MIER3: variants seen among roughly 807,000 people sequenced by gnomAD.
MIER3 encodes MIER family member 3.
In MIER3, 9 loss-of-function variants were observed where a neutral mutation model predicts 63.2. The ratio of observed to expected loss-of-function variants is 0.14; its 90% confidence interval spans 0.09 to 0.25. The LOEUF is 0.25. MIER3 is among the 10% of genes least tolerant of loss of function. The pLI, the probability that MIER3 is intolerant of heterozygous loss-of-function variation, is 1.00. For missense variants in MIER3, 512 were observed against 666.2 expected (o/e 0.77, Z 2.55); for synonymous variants, 205 against 224.9 (o/e 0.91, Z 0.79).
intron 5 of MIER3, chr5:56,937,072 C>CTTATTA (rs554743043): frequency 6.6e-6 from 1 of 151,178 alleles, no homozygotes; most frequent in Non-Finnish European, 1.5e-5. Flanking sequence ...TTTATTTTAT[C>CTTATTA]TTATTATTAT....
chr5:56,938,205 C>T, intron 4 of MIER3: 1 of 466,702 alleles, frequency 2.1e-6, no homozygotes, highest in East Asian at 7.0e-5. Context: ...AAAGTAGCCA[C>T]TCAATAAATA....
intron 4 of MIER3, chr5:56,938,675 G>A: frequency 1.8e-6 from 1 of 563,462 alleles, no homozygotes; most frequent in Non-Finnish European, 3.1e-6. Flanking sequence ...AGAATATTCA[G>A]GCATGCAAAG....
At chr5:56,939,897 C>T (rs571624787) in intron 3 of MIER3, among the ~76,000 whole-genome samples, 3 of 152,306 alleles carry the variant, frequency 2.0e-5, no homozygotes, top group East Asian at 3.9e-4. Flanking sequence ...GTGTAGTAGG[C>T]TACATTAACT....
At chr5:56,939,454 C>A (rs928784347) in intron 3 of MIER3, among the ~76,000 whole-genome samples, 15 of 152,186 alleles carry the variant, frequency 9.9e-5, no homozygotes, top group Non-Finnish European at 1.5e-4. Context: ...GGTAGAAAAC[C>A]TTTGCTGAAT....
At chr5:56,950,590 A>C in intron 2 of MIER3, 38 bp downstream of exon 2, 1 of 1,611,736 alleles carries the variant, frequency 6.2e-7, no homozygotes, top group Middle Eastern at 1.7e-4. Flanking sequence ...CACATTACCC[A>C]CTGGGAACCA....
chr5:56,940,911 A>C, intron 3 of MIER3: 1 of 951,380 alleles, frequency 1.1e-6, no homozygotes, highest in African/African-American at 1.8e-5. Context: ...CCTGGGTTGC[A>C]GCCTTTGCCA....
chr5:56,950,731 A>G (rs1431650319), intron 1 of MIER3, 79 bp from the exon 2 acceptor site: 2 of 1,538,844 alleles, frequency 1.3e-6, no homozygotes, highest in East Asian at 4.6e-5. Flanking sequence ...GGCGCAGAGG[A>G]GGCGGAGTCG....
intron 6 of MIER3, 41 bp from the exon 7 acceptor site, chr5:56,935,541 A>G: frequency 6.5e-7 from 1 of 1,531,106 alleles, no homozygotes; most frequent in Non-Finnish European, 8.8e-7. Context: ...TATTAAAAAA[A>G]AAATACTGAA....
chr5:56,940,186 C>T (rs12514633), intron 3 of MIER3, among the ~76,000 whole-genome samples: 12,347 of 152,238 alleles, frequency 0.081, 529 homozygotes, highest in East Asian at 0.14. Flanking sequence ...AAAAAAAGAA[C>T]TATTTATCAT....
intron 2 of MIER3, among the ~76,000 whole-genome samples, chr5:56,949,882 G>A (rs1264954568): frequency 6.6e-6 from 1 of 152,152 alleles, no homozygotes; most frequent in Non-Finnish European, 1.5e-5. Context: ...CTGAAACAAA[G>A]ATACCTTACA....
At chr5:56,951,095 C>T (rs1405761104) in intron 1 of MIER3, among the ~76,000 whole-genome samples, 2 of 152,166 alleles carry the variant, frequency 1.3e-5, no homozygotes, top group Non-Finnish European at 2.9e-5. Flanking sequence ...CCTAGTTCGC[C>T]CCTGGGGCCC....
At chr5:56,942,856 G>C (rs2112135903) in intron 3 of MIER3, among the ~76,000 whole-genome samples, 1 of 152,286 alleles carries the variant, frequency 6.6e-6, no homozygotes, top group South Asian at 2.1e-4. Flanking sequence ...GGAATTATTG[G>C]TGACCTGGGA....
chr5:56,924,516 C>T (rs1749862586), intron 10 of MIER3, among the ~76,000 whole-genome samples: 1 of 152,188 alleles, frequency 6.6e-6, no homozygotes, highest in Non-Finnish European at 1.5e-5. Flanking sequence ...GCAGCCTCAT[C>T]AGATTTGAGT....
chr5:56,927,924 T>C (rs1379040308), intron 10 of MIER3: 1 of 152,212 alleles, frequency 6.6e-6, no homozygotes, highest in African/African-American at 2.4e-5. Flanking sequence ...ATTGTTTCCA[T>C]AGTTTTGCTT....
intron 3 of MIER3, chr5:56,941,692 G>A (rs1750651803): frequency 6.6e-6 from 1 of 152,250 alleles, no homozygotes; most frequent in African/African-American, 2.4e-5. Context: ...GCAATGAGGA[G>A]CCATTAGAGA....
At chr5:56,935,832 G>T in intron 5 of MIER3, 81 bp from the exon 6 acceptor site, 1 of 1,043,528 alleles carries the variant, frequency 9.6e-7, no homozygotes, top group Non-Finnish European at 1.5e-6. Context: ...TTTACAAAAT[G>T]TTGTTAAATA....
chr5:56,929,579 AC>A (rs1190242041), intron 9 of MIER3: 1 of 152,192 alleles, frequency 6.6e-6, no homozygotes, highest in Non-Finnish European at 1.5e-5. Flanking sequence ...AAGACAAAAA[AC>A]AAAACCACAA....
In MIER3 at chr5:56,952,046, C is replaced by G. The variant is rs571706419; in HGVS notation, c.9+48G>C. 3.1e-4 allele frequency: 392 copies of G among 1,265,404 alleles called. 5 individuals are homozygous for G. The South Asian group carries it at 7.1e-3, about 23-fold the overall frequency. 78.4% of individuals were successfully genotyped at this position (1,265,404 alleles called of 1,614,324 possible). On this transcript the variant is annotated intron_variant, in intron 1 of 12. Transcript: ENST00000381199. ...TGGCTCGGGGGTCGCGGGGAGCCGC[C>G]GGGCGCCCGCTCCAGCCCGGCTGCT...
intron 1 of MIER3, among the ~76,000 whole-genome samples, chr5:56,951,735 G>A (rs1579871838): frequency 7.2e-6 from 1 of 138,562 alleles, no homozygotes; most frequent in South Asian, 2.2e-4. Flanking sequence ...ACCCGGGCCC[G>A]GGGAAGAGGC....
Sources: allele counts gnomAD v4.1 joint callset (sites outside exome capture counted in the v4.1 genomes callset), GRCh38; gene constraint gnomAD v4.1.1; transcripts MANE v1.5; gene names NCBI Gene and HGNC (gene_info 2026-07-23, HGNC 2026-07-21).